Variants in FHIT observed in about 807,000 individuals in gnomAD.
FHIT encodes the protein fragile histidine triad diadenosine triphosphatase.
A neutral mutation model predicts 17.9 loss-of-function variants in FHIT; 19 were observed. The ratio of observed to expected loss-of-function variants is 1.06; its 90% CI spans 0.74 to 1.56. The LOEUF is 1.56. FHIT is among the 40% of genes most tolerant of loss of function. The pLI, the probability that FHIT is intolerant of heterozygous loss-of-function variation, is 0.00. For missense variants in FHIT, 248 were observed against 189.2 expected, an observed-to-expected ratio of 1.31 and a Z score of -1.82; for synonymous variants, 81 against 69.7, an observed-to-expected ratio of 1.16 and a Z score of -0.81.
At chr3:60,111,973 T>C (rs1261075159) in intron 5 of FHIT, among the ~76,000 whole-genome samples, 1 of 152,220 alleles carries the variant, frequency 6.6e-6, no homozygotes, top group Non-Finnish European at 1.5e-5. Context: ...AAATGCTTAC[T>C]ATTGCAAGAT....
At chr3:60,271,013 C>T (rs1025734553) in intron 5 of FHIT, among the ~76,000 whole-genome samples, 2 of 152,080 alleles carry the variant, frequency 1.3e-5, no homozygotes, top group Admixed American at 6.6e-5. Context: ...GATTTTCTTC[C>T]AGGTGACTAT....
chr3:59,829,344 G>C (rs1701084917), intron 8 of FHIT, among the ~76,000 whole-genome samples: 1 of 152,192 alleles, frequency 6.6e-6, no homozygotes. Context: ...GATTTCCTTA[G>C]AGCGCCTCAG....
chr3:60,646,162 C>T (rs1395499970), intron 4 of FHIT, among the ~76,000 whole-genome samples: 9 of 152,162 alleles, frequency 5.9e-5, no homozygotes, highest in Non-Finnish European at 1.3e-4. Flanking sequence ...CATTTAAAGG[C>T]TACTTAGCAG....
chr3:59,826,859 T>A (rs1160830558), intron 8 of FHIT, among the ~76,000 whole-genome samples: 1 of 152,188 alleles, frequency 6.6e-6, no homozygotes, highest in African/African-American at 2.4e-5. Context: ...AATAAAACCA[T>A]TTTTTTACAC....
intron 4 of FHIT, among the ~76,000 whole-genome samples, chr3:60,637,826 T>C (rs2107785591): frequency 6.6e-6 from 1 of 152,290 alleles, no homozygotes; most frequent in Admixed American, 6.5e-5. Flanking sequence ...TATTTTGGAC[T>C]TTTAAGCATT....
intron 5 of FHIT, among the ~76,000 whole-genome samples, chr3:60,109,500 A>G (rs1454340914): frequency 1.3e-5 from 2 of 152,194 alleles, no homozygotes; most frequent in East Asian, 1.9e-4. Context: ...CTTGGGCCAA[A>G]TAATGAGAAG....
At chr3:60,896,698 T>G (rs1705839962) in intron 3 of FHIT, among the ~76,000 whole-genome samples, 1 of 152,212 alleles carries the variant, frequency 6.6e-6, no homozygotes, top group African/African-American at 2.4e-5. Flanking sequence ...GGTACTGCAT[T>G]CAAAATAACT....
chr3:60,554,136 A>G (rs2036662297), intron 4 of FHIT, among the ~76,000 whole-genome samples: 1 of 152,142 alleles, frequency 6.6e-6, no homozygotes, highest in East Asian at 1.9e-4. Flanking sequence ...AAACCTGAAT[A>G]AAAAGGAAAC....
chr3:61,042,415 G>T (rs529036759), intron 2 of FHIT, among the ~76,000 whole-genome samples: 3 of 152,136 alleles, frequency 2.0e-5, no homozygotes, highest in Admixed American at 2.0e-4. Context: ...ATGGAACCTC[G>T]GAGGTAAGTT....
At chr3:60,579,889 C>T (rs1383108671) in intron 4 of FHIT, among the ~76,000 whole-genome samples, 1 of 152,112 alleles carries the variant, frequency 6.6e-6, no homozygotes, top group East Asian at 1.9e-4. Flanking sequence ...TGCTTACTTA[C>T]TCAGTTGGAT....
intron 1 of FHIT, among the ~76,000 whole-genome samples, chr3:61,235,893 C>T (rs973481026): frequency 6.6e-6 from 1 of 152,030 alleles, no homozygotes; most frequent in Admixed American, 6.6e-5. Context: ...CTGTCCAGTA[C>T]TTTCACTAAA....
chr3:59,984,451 C>T (rs1022150544), intron 7 of FHIT, among the ~76,000 whole-genome samples: 3 of 151,958 alleles, frequency 2.0e-5, no homozygotes, highest in Admixed American at 6.6e-5. Flanking sequence ...TTCGCACTTA[C>T]GACATAGGAA....
chr3:60,168,092 A>C (rs1324695715), intron 5 of FHIT, among the ~76,000 whole-genome samples: 1 of 152,158 alleles, frequency 6.6e-6, no homozygotes, highest in Admixed American at 6.5e-5. Flanking sequence ...GCTATAGTTA[A>C]CTATGAATTT....
intron 8 of FHIT, among the ~76,000 whole-genome samples, chr3:59,771,234 G>A (rs1472423439): frequency 1.3e-5 from 2 of 152,076 alleles, no homozygotes; most frequent in Non-Finnish European, 2.9e-5. Context: ...AGAACAGGTG[G>A]GCTTTCCCAA....
chr3:60,150,421 A>G (rs1242619319), intron 5 of FHIT, among the ~76,000 whole-genome samples: 1 of 152,204 alleles, frequency 6.6e-6, no homozygotes, highest in Non-Finnish European at 1.5e-5. Context: ...ATCTCACCCC[A>G]TAAGGCAAAC....
At chr3:60,172,741 T>A (rs889873994) in intron 5 of FHIT, among the ~76,000 whole-genome samples, 1 of 151,970 alleles carries the variant, frequency 6.6e-6, no homozygotes, top group Non-Finnish European at 1.5e-5. Context: ...TGAGACAAGG[T>A]TGGTGTGAGA....
At chr3:60,095,601 C>T (rs1352138019) in intron 5 of FHIT, among the ~76,000 whole-genome samples, 1 of 152,146 alleles carries the variant, frequency 6.6e-6, no homozygotes, top group Non-Finnish European at 1.5e-5. Context: ...ACAAGACGAC[C>T]AAGCATGTAG....
rs181293905 is a variant in FHIT at position 59,788,312 on chromosome 3, T to C, written c.349-35991A>G. On this transcript the variant is annotated intron_variant, in intron 8 of 9. Coordinates refer to ENST00000492590, the MANE Select transcript of FHIT (RefSeq NM_002012.4). Reference sequence around the variant, plus strand: ...TGAATCATCCTGACAGCTATCCCTATGGCTGGCCAGTCAACTCCCAAGCAC... The same window carrying C: ...TGAATCATCCTGACAGCTATCCCTACGGCTGGCCAGTCAACTCCCAAGCAC... Among the ~76,000 whole-genome samples, 55 of 152,314 alleles carry C rather than the reference T, an allele frequency of 3.6e-4. 1 individual carries two copies. Among genetic ancestry groups the C allele is most frequent in the African/African-American group, 1.2e-3 (50 of 41,588 alleles).
chr3:60,575,232 T>A (rs76453660), intron 4 of FHIT, among the ~76,000 whole-genome samples: 3,132 of 152,158 alleles, frequency 0.021, 113 homozygotes, highest in African/African-American at 0.071. Context: ...TGAGTAGGTA[T>A]CAAATAGACA....
Sources: allele counts gnomAD v4.1 joint callset (sites outside exome capture counted in the v4.1 genomes callset), GRCh38; gene constraint gnomAD v4.1.1; transcripts MANE v1.5; gene names NCBI Gene and HGNC (gene_info 2026-07-23, HGNC 2026-07-21).